PRELID2: variants seen among roughly 807,000 people sequenced by gnomAD.
PRELID2 encodes the protein PRELI domain containing 2.
A neutral mutation model predicts 28.4 loss-of-function variants in PRELID2; 25 were observed. The observed-to-expected ratio is 0.88, with a 90% CI of 0.64 to 1.23. The LOEUF (loss-of-function observed/expected upper bound fraction) is 1.23. Among genes scored for constraint, PRELID2 ranks in the 50% most tolerant of loss-of-function variants. The pLI is 0.00. For synonymous variants in PRELID2, 76 were observed against 71.6 expected (o/e 1.06, Z -0.31); for missense variants, 201 against 214.4 (o/e 0.94, Z 0.39).
chr5:145,793,003 A>G (rs1374439160), intron 5 of PRELID2, among the ~76,000 whole-genome samples: 1 of 152,110 alleles, frequency 6.6e-6, no homozygotes, highest in Non-Finnish European at 1.5e-5. Context: ...GTTCAGAACC[A>G]CTCCGTTTCA....
chr5:145,729,843 CA>C (rs1756286372), intron 1 of PRELID2, among the ~76,000 whole-genome samples: 1 of 152,100 alleles, frequency 6.6e-6, no homozygotes, highest in African/African-American at 2.4e-5. Context: ...AAAGTGGGTC[CA>C]GAGGGCCAAT....
At chr5:145,799,849 C>T (rs1412660464) in intron 4 of PRELID2, among the ~76,000 whole-genome samples, 4 of 152,274 alleles carry the variant, frequency 2.6e-5, no homozygotes, top group Admixed American at 2.0e-4. Context: ...GTCACATCTG[C>T]GCCACTGACT....
At chr5:145,239,222 A>C in the PRELID2 span, among the ~76,000 whole-genome samples, 4 of 152,114 alleles carry the variant, frequency 2.6e-5, no homozygotes, top group South Asian at 4.1e-4. Context: ...TTGTCTAGCT[A>C]TTCTCTAGCA....
chr5:145,516,435 G>A lies in PRELID2; in HGVS notation n.71-43120C>T, dbSNP rs144743571. ...CCTAGCAATACAAATTACAAGGGATGTGAAGGACCTCTTCAGAGAGAACTA... is the reference window on the plus strand; with the variant it reads ...CCTAGCAATACAAATTACAAGGGATATGAAGGACCTCTTCAGAGAGAACTA... On this transcript the variant is annotated intron_variant and non_coding_transcript_variant, in intron 1 of 2. Coordinates refer to the PRELID2 transcript ENST00000510259. 7.2e-3 allele frequency among the ~76,000 whole-genome samples: 1,102 copies of A among 152,312 alleles called. 16 individuals carry two copies. Among genetic ancestry groups the A allele is most frequent in the African/African-American group, 0.024 (1,017 of 41,554 alleles).
the PRELID2 span, among the ~76,000 whole-genome samples, chr5:145,343,502 T>C: frequency 1.3e-5 from 2 of 151,536 alleles, no homozygotes; most frequent in African/African-American, 4.8e-5. Context: ...TCAAAACCTG[T>C]GAGATACAAC....
intron 1 of PRELID2, among the ~76,000 whole-genome samples, chr5:145,500,889 T>C (rs941559752): frequency 6.6e-6 from 1 of 152,128 alleles, no homozygotes; most frequent in Non-Finnish European, 1.5e-5. Flanking sequence ...CTCTTGTCCT[T>C]GGGTCATTCG....
At chr5:145,488,889 T>C (rs900501204) in intron 1 of PRELID2, among the ~76,000 whole-genome samples, 3 of 152,154 alleles carry the variant, frequency 2.0e-5, no homozygotes, top group Admixed American at 6.5e-5. Flanking sequence ...GTTTTCAGAA[T>C]TTTTAGGCTG....
At chr5:145,669,073 T>C (rs1189731006) in intron 1 of PRELID2, among the ~76,000 whole-genome samples, 2 of 152,140 alleles carry the variant, frequency 1.3e-5, no homozygotes, top group African/African-American at 4.8e-5. Flanking sequence ...TCATGTCTTC[T>C]GGACTCAGAA....
intron 1 of PRELID2, among the ~76,000 whole-genome samples, chr5:145,655,234 T>C (rs939709905): frequency 2.0e-5 from 3 of 151,872 alleles, no homozygotes; most frequent in African/African-American, 7.3e-5. Flanking sequence ...AAACCACTGC[T>C]CAATGAAATA....
At chr5:145,741,945 A>AAAT (rs1325311691) in intron 1 of PRELID2, among the ~76,000 whole-genome samples, 1 of 6,720 alleles carries the variant, frequency 1.5e-4, no homozygotes, top group Non-Finnish European at 9.1e-4. Context: ...ATAAATAAAT[A>AAAT]AATTTATTAT....
chr5:145,263,012 A>G, the PRELID2 span, among the ~76,000 whole-genome samples: 1 of 152,192 alleles, frequency 6.6e-6, no homozygotes, highest in Admixed American at 6.5e-5. Flanking sequence ...GCATGCTCAT[A>G]GAAACCAAAA....
chr5:145,279,629 A>G, the PRELID2 span, among the ~76,000 whole-genome samples: 2 of 152,188 alleles, frequency 1.3e-5, no homozygotes, highest in South Asian at 2.1e-4. Flanking sequence ...AAGAACAGTA[A>G]TTAGTTGCCA....
chr5:145,490,651 A>T (rs1752260489), intron 1 of PRELID2, among the ~76,000 whole-genome samples: 1 of 152,228 alleles, frequency 6.6e-6, no homozygotes. Context: ...AGGCAATTAT[A>T]AACAATTATA....
the PRELID2 span, among the ~76,000 whole-genome samples, chr5:145,237,230 A>T: frequency 5.9e-5 from 9 of 152,190 alleles, no homozygotes; most frequent in African/African-American, 2.2e-4. Context: ...AGCCAGAAAT[A>T]CACTGTTATT....
chr5:145,734,139 G>A (rs1352968804), intron 1 of PRELID2, among the ~76,000 whole-genome samples: 2 of 151,962 alleles, frequency 1.3e-5, no homozygotes, highest in Admixed American at 1.3e-4. Flanking sequence ...TTTTAAAGAT[G>A]GAGTCTCACT....
At chr5:145,647,942 G>A (rs1754225515) in intron 1 of PRELID2, among the ~76,000 whole-genome samples, 1 of 152,192 alleles carries the variant, frequency 6.6e-6, no homozygotes, top group Non-Finnish European at 1.5e-5. Context: ...TGCTTGTGCA[G>A]CAGTCTCACC....
Position 145,741,491 on chromosome 5 carries a change from A to AT in PRELID2, n.70+23439dup, listed in dbSNP as rs1561567899. ...ATAAACAAAATTTATTTATAAATAA[A>AT]TTATATATAAAATTTATTTATAAAT... On this transcript the variant is annotated intron_variant and non_coding_transcript_variant, in intron 1 of 2. Transcript: ENST00000510259. Among the ~76,000 whole-genome samples the AT allele has an allele frequency of 5.6e-3, 562 of 100,946 alleles. 33 individuals carry two copies. Among genetic ancestry groups the AT allele is most frequent in the African/African-American group, 0.023 (543 of 24,122 alleles). The allele number at this position is 100,946 out of a possible 152,430, so 66.2% of individuals were successfully genotyped here.
At chr5:145,828,854 T>G (rs977607018) in intron 1 of PRELID2, among the ~76,000 whole-genome samples, 2 of 146,694 alleles carry the variant, frequency 1.4e-5, no homozygotes, top group African/African-American at 5.0e-5. Context: ...TTTTTTTTTT[T>G]TTGAGACTGG....
At chr5:145,781,749 C>CTA (rs1217865715) in intron 5 of PRELID2, among the ~76,000 whole-genome samples, 2 of 141,676 alleles carry the variant, frequency 1.4e-5, no homozygotes, top group East Asian at 4.0e-4. Context: ...TATACTATAT[C>CTA]TATATATATA....
Sources: gnomAD v4.1 joint callset for allele counts (sites outside exome capture counted in the v4.1 genomes callset) on GRCh38, gnomAD v4.1.1 for gene constraint, MANE v1.5 for transcripts, NCBI Gene and HGNC (gene_info 2026-07-23, HGNC 2026-07-21) for gene names.